ADCY2: variants seen among roughly 807,000 people sequenced by gnomAD.
ADCY2 encodes adenylate cyclase type 2.
Under a neutral mutation model 125.2 loss-of-function variants are expected in ADCY2, and 31 were observed. That is an observed-to-expected ratio of 0.25 (90% CI 0.19 to 0.33). The LOEUF is 0.33. Ranked by LOEUF, ADCY2 falls within the 10% of genes least tolerant of loss-of-function variation. The pLI is 1.00. For missense variants in ADCY2, 904 were observed against 1,418.2 expected (o/e 0.64, Z 5.82); for synonymous variants, 512 against 548.4 (o/e 0.93, Z 0.93).
chr5:7,716,411 T>C (rs1741592240), intron 11 of ADCY2, among the ~76,000 whole-genome samples: 1 of 152,178 alleles, frequency 6.6e-6, no homozygotes, highest in South Asian at 2.1e-4. Flanking sequence ...TAAAATAAAG[T>C]TTATGAAGGC....
intron 3 of ADCY2, among the ~76,000 whole-genome samples, chr5:7,567,418 T>A (rs1259921563): frequency 6.6e-6 from 1 of 152,224 alleles, no homozygotes; most frequent in African/African-American, 2.4e-5. Context: ...GGAATTTGTG[T>A]CCTTTTTCCT....
At chr5:7,812,182 G>A (rs1744965386) in intron 22 of ADCY2, among the ~76,000 whole-genome samples, 1 of 152,132 alleles carries the variant, frequency 6.6e-6, no homozygotes, top group East Asian at 1.9e-4. Flanking sequence ...TCACTGGTAA[G>A]AATCGAGAAT....
chr5:7,693,610 A>T (rs1036311983), intron 5 of ADCY2, among the ~76,000 whole-genome samples: 3 of 151,756 alleles, frequency 2.0e-5, no homozygotes, highest in African/African-American at 7.3e-5. Flanking sequence ...TTTAGTAGAG[A>T]TGGGGGTTCG....
chr5:7,814,844 C>A lies in ADCY2; in HGVS notation c.2884-2022C>A, dbSNP rs59821925. ...CATCTCTGATTTAGCTCCCTTTGGG[C>A]TCCAACGCTCATCTCAGAAGTCACT... On this transcript the variant is annotated intron_variant, in intron 22 of 24. Coordinates refer to ENST00000338316, the MANE Select transcript of ADCY2 (RefSeq NM_020546.3). Among the ~76,000 whole-genome samples, 1,047 of 152,296 alleles carry A rather than the reference C, an allele frequency of 6.9e-3. 11 individuals carry two copies. The highest frequency in any genetic ancestry group is 0.024 in the African/African-American group (1,015 of 41,556).
chr5:7,791,698 C>A (rs1744252480), intron 20 of ADCY2, among the ~76,000 whole-genome samples: 1 of 152,104 alleles, frequency 6.6e-6, no homozygotes, highest in South Asian at 2.1e-4. Context: ...GAGTCTCCAG[C>A]CCATTTTTAA....
At chr5:7,737,213 T>C (rs1364283088) in intron 14 of ADCY2, among the ~76,000 whole-genome samples, 1 of 152,110 alleles carries the variant, frequency 6.6e-6, no homozygotes, top group Non-Finnish European at 1.5e-5. Flanking sequence ...ATTTACAGAA[T>C]GAGAGAAAAG....
chr5:7,503,508 G>A (rs1172707544), intron 2 of ADCY2, among the ~76,000 whole-genome samples: 2 of 152,188 alleles, frequency 1.3e-5, no homozygotes, highest in East Asian at 3.8e-4. Context: ...CTGCATGTGA[G>A]TTTTAGGCTG....
intron 2 of ADCY2, among the ~76,000 whole-genome samples, chr5:7,516,208 G>A (rs1744248191): frequency 6.6e-6 from 1 of 152,190 alleles, no homozygotes; most frequent in South Asian, 2.1e-4. Context: ...ATATTTTGCA[G>A]CTAGTAAAAA....
chr5:7,453,716 G>T (rs1041586643), intron 2 of ADCY2, among the ~76,000 whole-genome samples: 1 of 152,156 alleles, frequency 6.6e-6, no homozygotes, highest in Non-Finnish European at 1.5e-5. Flanking sequence ...TACTTCCGGG[G>T]TCTTGTGTCC....
Position 7,757,642 on chromosome 5 carries a change from T to C in ADCY2, c.2094+56T>C, listed in dbSNP as rs1560954227. 1.9e-6 allele frequency: 3 copies of C among 1,562,374 alleles called. No homozygotes were observed. The African/African-American group carries it at 4.1e-5, about 21-fold the overall frequency. ...TGGTAAGCCCCAGAGCATGGCCGTG[T>C]TCAACATGGTAAGCCCCAGACCACA... On this transcript the variant is annotated intron_variant, in intron 16 of 24. Transcript: ENST00000338316.
chr5:7,500,676 A>G (rs1332380444), intron 2 of ADCY2, among the ~76,000 whole-genome samples: 1 of 152,234 alleles, frequency 6.6e-6, no homozygotes, highest in Non-Finnish European at 1.5e-5. Flanking sequence ...AAAAATGAGG[A>G]AAGCCTGGGA....
intron 3 of ADCY2, among the ~76,000 whole-genome samples, chr5:7,574,906 T>C (rs1339358597): frequency 6.6e-6 from 1 of 152,236 alleles, no homozygotes; most frequent in Non-Finnish European, 1.5e-5. Context: ...GACACATTTT[T>C]TTTTACACCC....
At chr5:7,795,431 C>T (rs910057834) in intron 20 of ADCY2, 5 of 152,328 alleles carry the variant, frequency 3.3e-5, no homozygotes, top group African/African-American at 4.8e-5. Context: ...CTGTTCCTGG[C>T]ATTGGATAAA....
chr5:7,740,290 A>G (rs1742371826), intron 14 of ADCY2, among the ~76,000 whole-genome samples: 2 of 152,098 alleles, frequency 1.3e-5, no homozygotes, highest in South Asian at 4.1e-4. Flanking sequence ...TTCAGGCAAC[A>G]AAATTTTAAG....
intron 3 of ADCY2, among the ~76,000 whole-genome samples, chr5:7,610,760 T>A (rs936755655): frequency 2.0e-5 from 3 of 152,170 alleles, no homozygotes; most frequent in Non-Finnish European, 2.9e-5. Flanking sequence ...CCCTGTTGCC[T>A]GGAGACAATT....
intron 4 of ADCY2, among the ~76,000 whole-genome samples, chr5:7,666,277 T>C (rs759262712): frequency 4.6e-5 from 7 of 151,908 alleles, no homozygotes; most frequent in African/African-American, 9.7e-5. Flanking sequence ...AGCATTTATT[T>C]GTGCTCCTGT....
chr5:7,481,425 C>A (rs1361155296), intron 2 of ADCY2, among the ~76,000 whole-genome samples: 6 of 152,070 alleles, frequency 3.9e-5, no homozygotes, highest in Non-Finnish European at 7.4e-5. Flanking sequence ...TGCCACCACG[C>A]CTGGCTAATT....
intron 2 of ADCY2, among the ~76,000 whole-genome samples, chr5:7,511,668 C>A (rs2126519958): frequency 6.6e-6 from 1 of 151,982 alleles, no homozygotes; most frequent in African/African-American, 2.4e-5. Context: ...GGGGAGGTGA[C>A]AATTGAGTGG....
At chr5:7,790,217 A>ACACGCCCCCTGTTTCCC (rs1744212164) in intron 20 of ADCY2, among the ~76,000 whole-genome samples, 1 of 152,040 alleles carries the variant, frequency 6.6e-6, no homozygotes, top group Non-Finnish European at 1.5e-5. Context: ...CATGCCTCCC[A>ACACGCCCCCTGTTTCCC]CACGCCCCCT....
Sources: gnomAD v4.1 joint callset for allele counts (sites outside exome capture counted in the v4.1 genomes callset) on GRCh38, gnomAD v4.1.1 for gene constraint, MANE v1.5 for transcripts, NCBI Gene and HGNC (gene_info 2026-07-23, HGNC 2026-07-21) for gene names.